The following NIPBL variants were observed in gnomAD, a reference collection of about 807,000 sequenced individuals.
The protein encoded by NIPBL is NIPBL cohesin loading factor.
A neutral mutation model predicts 321.8 loss-of-function variants in NIPBL; 19 were observed. The ratio of observed to expected loss-of-function variants is 0.06; its 90% CI spans 0.04 to 0.09. The LOEUF (loss-of-function observed/expected upper bound fraction) is 0.09. NIPBL is among the 10% of genes least tolerant of loss of function. The probability of loss-of-function intolerance (pLI) is 1.00; values close to 1 mark genes in which losing one functional copy is unlikely to be tolerated. For synonymous variants in NIPBL, 1,106 were observed against 1,114.1 expected (o/e 0.99, Z 0.14); for missense variants, 2,210 against 3,327.0 (o/e 0.66, Z 8.26).
intron 23 of NIPBL, among the ~76,000 whole-genome samples, chr5:37,016,525 C>T (rs971496067): frequency 6.6e-6 from 1 of 151,920 alleles, no homozygotes; most frequent in African/African-American, 2.4e-5. Context: ...AGTATTTCTA[C>T]AAATGTATGG....
In NIPBL at chr5:37,006,467, C is replaced by G. The variant is rs1229109955; in HGVS notation, c.3966C>G (p.Asn1322Lys). ...CTATCAACATTATGACATCCCCTAA[C>G]ATGCCAAAAGCTGTGTACATTGAGG... ...LTTINIMTSPNMPKAVYIEDV... is the reference protein window; with the variant it reads ...LTTINIMTSPKMPKAVYIEDV... Residue 1322 changes from asparagine (N) to lysine (K), a missense_variant, in exon 17 of 47, where the codon AAC (asparagine) becomes AAG (lysine). Asn to Lys is a moderately conservative substitution (Grantham distance 94). Transcript: ENST00000282516. 1.9e-5 allele frequency: 30 copies of G among 1,612,026 alleles called. No individual in the cohort carries two copies. The highest frequency in any genetic ancestry group is 1.6e-4 in the Middle Eastern group (1 of 6,080).
chr5:36,881,395 T>G (rs981281227), intron 1 of NIPBL, among the ~76,000 whole-genome samples: 1 of 151,920 alleles, frequency 6.6e-6, no homozygotes, highest in Admixed American at 6.5e-5. Flanking sequence ...TTCCCAAAGT[T>G]ATATCATTAG....
At chr5:36,951,015 TCAG>T in intron 1 of NIPBL, among the ~76,000 whole-genome samples, 1 of 152,306 alleles carries the variant, frequency 6.6e-6, no homozygotes, top group Non-Finnish European at 1.5e-5. Context: ...TAGCCATAGT[TCAG>T]CAGTGAAGAT....
chr5:37,015,975 TAGAC>T, intron 22 of NIPBL, 59 bp from the exon 23 acceptor site: 5 of 1,545,620 alleles, frequency 3.2e-6, no homozygotes, highest in Non-Finnish European at 4.5e-6. Context: ...ATCATGTTGG[TAGAC>T]AGATGACTGA....
chr5:37,061,884 C>G (rs1232200934), intron 45 of NIPBL, among the ~76,000 whole-genome samples: 1 of 152,102 alleles, frequency 6.6e-6, no homozygotes, highest in Non-Finnish European at 1.5e-5. Context: ...TCTTGTTGCC[C>G]AGGCTGGAGT....
At chr5:36,912,748 C>G (rs1748143161) in intron 1 of NIPBL, among the ~76,000 whole-genome samples, 1 of 152,134 alleles carries the variant, frequency 6.6e-6, no homozygotes, top group Non-Finnish European at 1.5e-5. Flanking sequence ...GATCCACCCG[C>G]CTCGGCCTCC....
chr5:36,895,541 T>G (rs1025381528), intron 1 of NIPBL, among the ~76,000 whole-genome samples: 10 of 152,324 alleles, frequency 6.6e-5, no homozygotes, highest in Admixed American at 3.3e-4. Context: ...ACTGTCAGAC[T>G]GTTTTCCAAA....
intron 6 of NIPBL, among the ~76,000 whole-genome samples, chr5:36,967,527 T>C (rs1742339672): frequency 6.6e-6 from 1 of 152,194 alleles, no homozygotes; most frequent in Non-Finnish European, 1.5e-5. Flanking sequence ...TAACTCTTTT[T>C]ATAAAGTTAA....
chr5:36,946,502 A>G (rs1739690092), intron 1 of NIPBL, among the ~76,000 whole-genome samples: 1 of 151,860 alleles, frequency 6.6e-6, no homozygotes, highest in African/African-American at 2.4e-5. Context: ...TTTTTTTACT[A>G]CTTAATAATT....
At chr5:36,960,778 C>G (rs1016331978) in intron 4 of NIPBL, among the ~76,000 whole-genome samples, 1 of 152,102 alleles carries the variant, frequency 6.6e-6, no homozygotes, top group African/African-American at 2.4e-5. Context: ...GTGAATTTTT[C>G]TGTGTCTCCC....
intron 16 of NIPBL, among the ~76,000 whole-genome samples, chr5:37,005,847 G>T (rs1429678317): frequency 6.6e-6 from 1 of 152,104 alleles, no homozygotes; most frequent in Non-Finnish European, 1.5e-5. Context: ...TCATTAGTCT[G>T]CATATTACTA....
intron 43 of NIPBL, among the ~76,000 whole-genome samples, chr5:37,057,761 A>G (rs543695831): frequency 2.0e-5 from 3 of 152,318 alleles, no homozygotes; most frequent in Non-Finnish European, 2.9e-5. Context: ...TCCCTCAACT[A>G]CAGCACCGTT....
rs1752956741 is a variant in NIPBL at position 37,046,103 on chromosome 5, C to T, written c.6499-6C>T. 1 of 1,417,332 alleles carries T rather than the reference C, an allele frequency of 7.1e-7. No individual in the cohort carries two copies. Among genetic ancestry groups the T allele is most frequent in the Non-Finnish European group, 1.0e-6 (1 of 1,001,300 alleles). 87.8% of individuals were successfully genotyped at this position (1,417,332 alleles called of 1,614,324 possible). On this transcript the variant is annotated splice_polypyrimidine_tract_variant and splice_region_variant and intron_variant, in intron 37 of 46. Coordinates refer to ENST00000282516, the MANE Select transcript of NIPBL (RefSeq NM_133433.4). ...TGAACACTTTAATGTGTTTTCCTCC[C>T]CTTAGGTTAACATAAAAGATAAAGT...
At chr5:37,003,125 G>A in intron 15 of NIPBL, 136 bp from the exon 16 acceptor site, 1 of 575,416 alleles carries the variant, frequency 1.7e-6, no homozygotes, top group South Asian at 2.8e-5. Context: ...TTCTAAGTGG[G>A]AAAGTTTTCT....
chr5:37,050,229 C>G (rs1753387807), intron 40 of NIPBL, among the ~76,000 whole-genome samples: 1 of 151,898 alleles, frequency 6.6e-6, no homozygotes, highest in African/African-American at 2.4e-5. Flanking sequence ...CTTTGGGAGG[C>G]AGAGGTGGGC....
chr5:36,912,318 G>C (rs1236767195), intron 1 of NIPBL, among the ~76,000 whole-genome samples: 3 of 152,072 alleles, frequency 2.0e-5, no homozygotes, highest in Non-Finnish European at 4.4e-5. Flanking sequence ...AGTAACTTTA[G>C]TGGCTGAGAT....
At position 37,019,395 on chromosome 5, in the gene NIPBL, C is replaced by G; in HGVS notation, c.5005C>G (p.Leu1669Val). ...TGAAAACACTGAGACTGATCCTTCA[C>G]TAGTGGTAGGATTCTTTTCCCCTGT... is the stretch of plus-strand genomic sequence containing the variant. ...LDENTETDPSLVFSRKFYIAQ... is the reference protein window; with the variant it reads ...LDENTETDPSVVFSRKFYIAQ... Residue 1669 changes from leucine (L) to valine (V), a missense_variant, in exon 25 of 47, where the codon CTA (leucine) becomes GTA (valine). Physicochemically the swap from Leu to Val is conservative, Grantham distance 32. Around this residue, in one of 14 missense-constraint regions of NIPBL, gnomAD observed 138 missense variants for 175.8 expected, o/e 0.79. Transcript: ENST00000282516. 6.2e-7 allele frequency: 1 copy of G among 1,605,360 alleles called. No individual in the cohort carries two copies. The highest frequency in any genetic ancestry group is 8.5e-7 in the Non-Finnish European group (1 of 1,172,206).
chr5:36,954,093 T>C (rs1201964383), intron 2 of NIPBL, among the ~76,000 whole-genome samples: 1 of 152,176 alleles, frequency 6.6e-6, no homozygotes, highest in Non-Finnish European at 1.5e-5. Flanking sequence ...ATTCTTTTGT[T>C]AGGCATTTGT....
intron 1 of NIPBL, among the ~76,000 whole-genome samples, chr5:36,923,218 A>T (rs1426958908): frequency 1.3e-5 from 2 of 152,160 alleles, no homozygotes; most frequent in Admixed American, 6.5e-5. Context: ...AGGCAGGAGA[A>T]TCGCTTGAAC....
Sources: allele counts gnomAD v4.1 joint callset (sites outside exome capture counted in the v4.1 genomes callset), GRCh38; gene constraint gnomAD v4.1.1; regional missense constraint gnomAD v4.1.1; transcripts MANE v1.5; gene names NCBI Gene and HGNC (gene_info 2026-07-23, HGNC 2026-07-21).